The following ABR variants were observed in gnomAD, a reference collection of about 807,000 sequenced individuals.
The protein encoded by ABR is active breakpoint cluster region-related protein.
Under a neutral mutation model 107.2 loss-of-function variants are expected in ABR, and 35 were observed. That is an observed-to-expected ratio of 0.33 (90% CI 0.25 to 0.43). ABR has a LOEUF of 0.43. Ranked by LOEUF, ABR falls within the 20% of genes least tolerant of loss-of-function variation. ABR has a pLI of 1.00. For missense variants in ABR, 815 were observed against 1,115.2 expected (o/e 0.73, Z 3.83); for synonymous variants, 498 against 462.0 (o/e 1.08, Z -1.00).
Position 1,194,336 on chromosome 17 carries a change from C to T in ABR, c.838+34457G>A, listed in dbSNP as rs541681333. Among the ~76,000 whole-genome samples the T allele has an allele frequency of 1.1e-4, 16 of 151,516 alleles. No individual in the cohort carries two copies. The East Asian group carries it at 2.6e-3, about 24-fold the overall frequency. Reference sequence around the variant, plus strand: ...CCAAGTAGCTAAGATTACAGGTACACGCCACCACGCCCAGCTATTTTTTTG... The same window carrying T: ...CCAAGTAGCTAAGATTACAGGTACATGCCACCACGCCCAGCTATTTTTTTG... On this transcript the variant is annotated intron_variant, in intron 1 of 22. Transcript: ENST00000574139.
intron 2 of ABR, chr17:1,109,233 TCCGCCG>T (rs972518297): frequency 3.8e-5 from 35 of 924,190 alleles, no homozygotes; most frequent in African/African-American, 1.6e-4. Flanking sequence ...TCCAGCCCGC[TCCGCCG>T]CCGCCGCCGC....
chr17:1,103,940 G>A (rs1014142915), intron 2 of ABR, among the ~76,000 whole-genome samples: 3 of 152,082 alleles, frequency 2.0e-5, no homozygotes, highest in Non-Finnish European at 2.9e-5. Flanking sequence ...AATTCACATT[G>A]TTTCTTCAGT....
chr17:1,208,654 C>T (rs1021306859), intron 1 of ABR, among the ~76,000 whole-genome samples: 2 of 152,156 alleles, frequency 1.3e-5, no homozygotes, highest in African/African-American at 2.4e-5. Context: ...TTTGGGAGGC[C>T]GAGGCGGGCG....
At chr17:1,024,524 C>T (rs977701575) in intron 16 of ABR, among the ~76,000 whole-genome samples, 1 of 152,194 alleles carries the variant, frequency 6.6e-6, no homozygotes, top group Non-Finnish European at 1.5e-5. Flanking sequence ...CGGGGGCTCC[C>T]GCCTGTAATC....
exon 1 of ABR, among the ~76,000 whole-genome samples, chr17:1,229,403 GCGCCCGGGC>G (rs2043292263): frequency 6.9e-6 from 1 of 145,648 alleles, no homozygotes; most frequent in African/African-American, 2.7e-5. Flanking sequence ...CGGGGTCGGG[GCGCCCGGGC>G]TCCCCGGAGT....
At chr17:1,040,030 C>T (rs1348315219) in intron 16 of ABR, among the ~76,000 whole-genome samples, 2 of 152,270 alleles carry the variant, frequency 1.3e-5, no homozygotes, top group African/African-American at 2.4e-5. Flanking sequence ...GCCAGGGGCC[C>T]GGCTGTGGTC....
intron 16 of ABR, among the ~76,000 whole-genome samples, chr17:1,015,425 A>AG (rs1235721545): frequency 6.6e-6 from 1 of 150,770 alleles, no homozygotes; most frequent in Non-Finnish European, 1.5e-5. Flanking sequence ...CTCAAGAAAA[A>AG]AAAAAAAAAA....
intron 1 of ABR, among the ~76,000 whole-genome samples, chr17:1,165,292 C>T (rs756820543): frequency 7.2e-5 from 11 of 152,236 alleles, no homozygotes; most frequent in Admixed American, 1.3e-4. Context: ...CATTTTCTCC[C>T]GGGCAGAGGG....
intron 1 of ABR, among the ~76,000 whole-genome samples, chr17:1,175,251 A>G (rs777513246): frequency 3.9e-5 from 6 of 152,096 alleles, no homozygotes; most frequent in Non-Finnish European, 7.4e-5. Flanking sequence ...GTCTCTACTA[A>G]AAATATAAAA....
In ABR at chr17:1,092,950, A is replaced by G. The variant is rs1485921218; in HGVS notation, c.346-1100T>C. On this transcript the variant is annotated intron_variant, in intron 3 of 22. Coordinates refer to ENST00000302538, the MANE Select transcript of ABR (RefSeq NM_021962.5). This position sits in a 1 kb window ranked among gnomAD's most constrained non-coding sequence, Gnocchi z 4.6. ...TTCTCCTGCCTCAGCCTCCCAAGTA[A>G]CAGGGACTACAGGCGCCCGCCACCA... 4.0e-5 allele frequency among the ~76,000 whole-genome samples: 6 copies of G among 150,334 alleles called. No homozygotes were observed. Among genetic ancestry groups the G allele is most frequent in the African/African-American group, 1.5e-4 (6 of 41,018 alleles).
chr17:1,026,841 C>G (rs115823086), intron 16 of ABR, among the ~76,000 whole-genome samples: 5,850 of 152,004 alleles, frequency 0.038, 333 homozygotes, highest in African/African-American at 0.12. Flanking sequence ...GGCCACTCAG[C>G]AGAGGGCCAG....
At chr17:1,142,095 T>G (rs1417011515) in intron 1 of ABR, among the ~76,000 whole-genome samples, 1 of 151,872 alleles carries the variant, frequency 6.6e-6, no homozygotes, top group Non-Finnish European at 1.5e-5. Context: ...TGTTCCAATC[T>G]TCACTGCACA....
chr17:1,156,051 C>A (rs1014034945), intron 1 of ABR: 1 of 151,650 alleles, frequency 6.6e-6, no homozygotes, highest in African/African-American at 2.4e-5. Flanking sequence ...CCGTGGAGCA[C>A]AGTGTCCTGG....
intron 6 of ABR, among the ~76,000 whole-genome samples, chr17:1,074,995 G>C (rs1452960164): frequency 1.3e-5 from 2 of 152,206 alleles, no homozygotes; most frequent in African/African-American, 2.4e-5. Context: ...CAGCCTGAGG[G>C]GCAAAGGTTT....
At chr17:1,091,124 C>T (rs1449110455) in intron 4 of ABR, among the ~76,000 whole-genome samples, 2 of 152,188 alleles carry the variant, frequency 1.3e-5, no homozygotes, top group South Asian at 2.1e-4. Flanking sequence ...AGAGGATCAT[C>T]GGCCAGTGTG....
chr17:1,127,598 C>G (rs971152875), intron 1 of ABR, among the ~76,000 whole-genome samples: 3 of 152,226 alleles, frequency 2.0e-5, no homozygotes, highest in Admixed American at 6.5e-5. Flanking sequence ...CCTCCTCCCT[C>G]CTCCTCTCCA....
rs562802521 is a variant in ABR at position 1,012,184 on chromosome 17, C to T, written c.1962-199G>A. ...CACCCGAGGCCTGCCGAAGGGGCAT[C>T]GACGGACGTGGGCAGGAGAAGCCTT... On this transcript the variant is annotated intron_variant, in intron 18 of 22. Transcript: ENST00000302538. 536 of 821,372 alleles carry T rather than the reference C, an allele frequency of 6.5e-4. 2 individuals carry two copies. In the Middle Eastern group the frequency reaches 6.5e-3, roughly 10 times the overall value. The allele number at this position is 821,372 out of a possible 1,614,324, so 50.9% of individuals were successfully genotyped here.
At chr17:1,166,706 A>G (rs1214848806) in intron 1 of ABR, among the ~76,000 whole-genome samples, 3 of 152,166 alleles carry the variant, frequency 2.0e-5, no homozygotes, top group Non-Finnish European at 4.4e-5. Context: ...CTTGCTAGAA[A>G]TGCAGAATCC....
At chr17:1,136,827 T>TG (rs2040084366) in intron 1 of ABR, among the ~76,000 whole-genome samples, 1 of 152,146 alleles carries the variant, frequency 6.6e-6, no homozygotes, top group Non-Finnish European at 1.5e-5. Flanking sequence ...CACTCAAACT[T>TG]TCTCCATATC....
Sources: allele counts gnomAD v4.1 joint callset (sites outside exome capture counted in the v4.1 genomes callset), GRCh38; gene constraint gnomAD v4.1.1; non-coding constraint Gnocchi (gnomAD v3.1); transcripts MANE v1.5; gene names NCBI Gene and HGNC (gene_info 2026-07-23, HGNC 2026-07-21).